LMNTD1: variants seen among roughly 807,000 people sequenced by gnomAD.
LMNTD1 encodes lamin tail domain containing 1.
In LMNTD1, 35 loss-of-function variants were observed where a neutral mutation model predicts 50.9. The observed-to-expected ratio is 0.69, with a 90% CI of 0.53 to 0.91. The LOEUF (loss-of-function observed/expected upper bound fraction) is 0.91, where lower values mean the gene tolerates loss of function less well. LMNTD1 is among the 40% of genes least tolerant of loss of function. The pLI is 0.00. For synonymous variants in LMNTD1, 153 were observed against 161.9 expected, an observed-to-expected ratio of 0.94 and a Z score of 0.42; for missense variants, 470 against 475.5, an observed-to-expected ratio of 0.99 and a Z score of 0.11.
chr12:25,516,930 T>G (rs1940828950), intron 8 of LMNTD1, among the ~76,000 whole-genome samples: 1 of 151,526 alleles, frequency 6.6e-6, no homozygotes, highest in South Asian at 2.1e-4. Flanking sequence ...AAGAAGACAT[T>G]TATGCAGCCA....
chr12:25,620,255 C>A (rs1565523169), intron 1 of LMNTD1, among the ~76,000 whole-genome samples: 1 of 151,890 alleles, frequency 6.6e-6, no homozygotes, highest in African/African-American at 2.4e-5. Flanking sequence ...GGCATTTCAA[C>A]AAAAAAAGGC....
intron 4 of LMNTD1, among the ~76,000 whole-genome samples, chr12:25,542,636 G>T (rs909665861): frequency 1.3e-5 from 2 of 151,510 alleles, no homozygotes; most frequent in Non-Finnish European, 2.9e-5. Context: ...ACGAGTTAGT[G>T]GGTGCAGCAC....
At chr12:25,645,535 A>G (rs968701857) in intron 1 of LMNTD1, among the ~76,000 whole-genome samples, 4 of 152,224 alleles carry the variant, frequency 2.6e-5, no homozygotes, top group African/African-American at 9.6e-5. Context: ...GCTCGCTAAC[A>G]TAGAGTAGAA....
chr12:25,525,136 A>C (rs1198734042), intron 6 of LMNTD1, among the ~76,000 whole-genome samples: 1 of 152,198 alleles, frequency 6.6e-6, no homozygotes, highest in East Asian at 1.9e-4. Flanking sequence ...AAAAGGATTC[A>C]CTTTTTTGTT....
rs77250747 is a variant in LMNTD1 at position 25,544,978 on chromosome 12, T to C, written c.491+1396A>G. 2.1e-3 allele frequency among the ~76,000 whole-genome samples: 314 copies of C among 151,978 alleles called. 1 individual carries two copies. Among genetic ancestry groups the C allele is most frequent in the African/African-American group, 7.1e-3 (297 of 41,540 alleles). Reference sequence around the variant, plus strand: ...TTACTGTTTTTGATAGATTTGTCTTTTGGGATTCACGCTAGAGTAATGAGT... The same window carrying C: ...TTACTGTTTTTGATAGATTTGTCTTCTGGGATTCACGCTAGAGTAATGAGT... On this transcript the variant is annotated intron_variant, in intron 4 of 9. Transcript: ENST00000458174.
In LMNTD1 at chr12:25,476,434, G is replaced by A. The variant is rs1043210212; in HGVS notation, c.*49C>T. On this transcript the variant is annotated 3_prime_UTR_variant, in exon 10 of 10. Coordinates refer to ENST00000458174, the MANE Select transcript of LMNTD1 (RefSeq NM_001145728.2). ...ATTTGAGTTCTCTTTTGCTTTTCTA[G>A]TAGCTGGTTGAGGGTGGACTAGATT... 2.0e-5 allele frequency: 3 copies of A among 152,200 alleles called. No homozygotes were observed. The highest frequency in any genetic ancestry group is 1.3e-4 in the Admixed American group (2 of 15,272). The allele number at this position is 152,200 out of a possible 1,614,324, so 9.4% of individuals were successfully genotyped here.
At chr12:25,515,578 T>C (rs1162804852) in intron 8 of LMNTD1, among the ~76,000 whole-genome samples, 2 of 152,164 alleles carry the variant, frequency 1.3e-5, no homozygotes, top group African/African-American at 4.8e-5. Context: ...TTCTTTTTGG[T>C]AATGTGAAAC....
At position 25,503,809 on chromosome 12, in the gene LMNTD1, T is replaced by A; in HGVS notation, c.1190-9A>T. ...CTTCTTTTTCTTAGACCCTGAAAAT[T>A]AAAAAAAATAATTAAAAAAAGGAGA... On this transcript the variant is annotated splice_polypyrimidine_tract_variant and intron_variant, in intron 8 of 9. Coordinates refer to ENST00000458174, the MANE Select transcript of LMNTD1 (RefSeq NM_001145728.2). 1 of 1,518,738 alleles carries A rather than the reference T, an allele frequency of 6.6e-7. No homozygotes were observed. The highest frequency in any genetic ancestry group is 9.0e-7 in the Non-Finnish European group (1 of 1,108,870). The allele number at this position is 1,518,738 out of a possible 1,614,324, so 94.1% of individuals were successfully genotyped here.
At chr12:25,644,013 G>A (rs1002199114) in intron 1 of LMNTD1, among the ~76,000 whole-genome samples, 2 of 152,162 alleles carry the variant, frequency 1.3e-5, no homozygotes, top group Non-Finnish European at 2.9e-5. Flanking sequence ...ATGGGAAAGC[G>A]TTCATCATAA....
intron 9 of LMNTD1, among the ~76,000 whole-genome samples, chr12:25,498,660 C>T (rs150014738): frequency 2.0e-3 from 303 of 152,268 alleles, no homozygotes; most frequent in African/African-American, 5.6e-3. Flanking sequence ...TGCTTTTGAC[C>T]AATGTTTTTT....
chr12:25,575,998 T>C (rs578050067), intron 1 of LMNTD1, among the ~76,000 whole-genome samples: 3 of 152,216 alleles, frequency 2.0e-5, no homozygotes, highest in Non-Finnish European at 4.4e-5. Flanking sequence ...GTTTCAACCA[T>C]GTCCCTACAA....
intron 1 of LMNTD1, among the ~76,000 whole-genome samples, chr12:25,610,988 G>C (rs185850231): frequency 2.0e-5 from 3 of 152,154 alleles, no homozygotes; most frequent in Non-Finnish European, 4.4e-5. Flanking sequence ...TCTTTAAGGA[G>C]AGCAGAGACC....
chr12:25,624,491 A>G (rs921026878), intron 1 of LMNTD1, among the ~76,000 whole-genome samples: 32 of 152,254 alleles, frequency 2.1e-4, no homozygotes, highest in African/African-American at 7.5e-4. Context: ...CACCAGCCAC[A>G]GCTAGAGAGC....
At chr12:25,477,013 C>A (rs1938288967) in intron 9 of LMNTD1, among the ~76,000 whole-genome samples, 1 of 152,292 alleles carries the variant, frequency 6.6e-6, no homozygotes, top group South Asian at 2.1e-4. Context: ...CAGCGTGACC[C>A]ATATTCCCTC....
At chr12:25,569,100 A>C (rs565454159) in intron 1 of LMNTD1, among the ~76,000 whole-genome samples, 19 of 152,380 alleles carry the variant, frequency 1.2e-4, no homozygotes, top group African/African-American at 4.6e-4. Flanking sequence ...AAAAGCCACA[A>C]GCACTCAACT....
At chr12:25,622,392 A>G (rs1386771876) in intron 1 of LMNTD1, among the ~76,000 whole-genome samples, 2 of 151,058 alleles carry the variant, frequency 1.3e-5, no homozygotes, top group Non-Finnish European at 3.0e-5. Context: ...GAGTTCATGC[A>G]TGACCCACAG....
intron 6 of LMNTD1, among the ~76,000 whole-genome samples, chr12:25,523,043 AT>A (rs1208421578): frequency 6.6e-6 from 1 of 151,494 alleles, no homozygotes; most frequent in Non-Finnish European, 1.5e-5. Context: ...TTTTATTTTT[AT>A]TTTTTTTCGA....
intron 8 of LMNTD1, among the ~76,000 whole-genome samples, chr12:25,512,817 C>T (rs1940402349): frequency 6.6e-6 from 1 of 151,362 alleles, no homozygotes; most frequent in African/African-American, 2.4e-5. Context: ...CCTCTTGGGG[C>T]CAGTTGAAAG....
intron 1 of LMNTD1, among the ~76,000 whole-genome samples, chr12:25,559,383 T>C (rs970595791): frequency 1.3e-5 from 2 of 152,210 alleles, no homozygotes; most frequent in African/African-American, 4.8e-5. Flanking sequence ...ACTCGTCCTT[T>C]GTTATGGCTG....
Sources: gnomAD v4.1 joint callset for allele counts (sites outside exome capture counted in the v4.1 genomes callset) on GRCh38, gnomAD v4.1.1 for gene constraint, MANE v1.5 for transcripts, NCBI Gene and HGNC (gene_info 2026-07-23, HGNC 2026-07-21) for gene names.